Variants in UBL3 observed in about 807,000 individuals in gnomAD.
UBL3 encodes ubiquitin-like protein 3.
Under a neutral mutation model 18.4 loss-of-function variants are expected in UBL3, and 6 were observed. The ratio of observed to expected loss-of-function variants is 0.33; its 90% CI spans 0.18 to 0.64. UBL3 has a LOEUF of 0.64. Ranked by LOEUF, UBL3 falls within the 30% of genes least tolerant of loss-of-function variation. UBL3 has a pLI of 0.76. For missense variants in UBL3, 109 were observed against 142.9 expected (o/e 0.76, Z 1.21); for synonymous variants, 49 against 46.6 (o/e 1.05, Z -0.21).
intron 2 of UBL3, among the ~76,000 whole-genome samples, chr13:29,776,816 A>G (rs9551741): frequency 0.3 from 40,823 of 137,702 alleles, 5,750 homozygotes; most frequent in East Asian, 0.44. Context: ...GGTTGCGGTG[A>G]GCTAAGATCA....
chr13:29,783,035 A>T (rs1231942194), intron 1 of UBL3, among the ~76,000 whole-genome samples: 1 of 152,234 alleles, frequency 6.6e-6, no homozygotes, highest in Non-Finnish European at 1.5e-5. Flanking sequence ...CAGACTAGAA[A>T]GGTCAGAGCT....
intron 1 of UBL3, among the ~76,000 whole-genome samples, chr13:29,793,542 T>C (rs1333076681): frequency 6.6e-6 from 1 of 152,194 alleles, no homozygotes; most frequent in East Asian, 1.9e-4. Context: ...TTTATTTTAG[T>C]TTTCTTCTTA....
intron 1 of UBL3, among the ~76,000 whole-genome samples, chr13:29,807,954 T>C (rs1221350537): frequency 6.6e-6 from 1 of 152,184 alleles, no homozygotes; most frequent in East Asian, 1.9e-4. Context: ...CGTATTACAA[T>C]AGTCTATTTT....
chr13:29,783,650 T>C (rs748925265), intron 1 of UBL3, among the ~76,000 whole-genome samples: 3 of 152,224 alleles, frequency 2.0e-5, no homozygotes, highest in Admixed American at 2.0e-4. Flanking sequence ...TGTATGACAA[T>C]TTCTATAAAT....
chr13:29,785,450 T>G (rs1418427728), intron 1 of UBL3, among the ~76,000 whole-genome samples: 1 of 152,224 alleles, frequency 6.6e-6, no homozygotes, highest in Non-Finnish European at 1.5e-5. Context: ...AAAAATAACA[T>G]CATATTAAAA....
intron 1 of UBL3, among the ~76,000 whole-genome samples, chr13:29,818,625 A>T (rs1022122601): frequency 3.9e-5 from 6 of 152,188 alleles, no homozygotes; most frequent in African/African-American, 1.4e-4. Flanking sequence ...TAAAGTTCTG[A>T]CTTCACATAA....
chr13:29,790,831 T>C (rs1877463010), intron 1 of UBL3, among the ~76,000 whole-genome samples: 1 of 152,128 alleles, frequency 6.6e-6, no homozygotes, highest in African/African-American at 2.4e-5. Flanking sequence ...TTTCAGTTGG[T>C]TTTTCTTCCT....
chr13:29,795,878 G>A (rs1183478945), intron 1 of UBL3, among the ~76,000 whole-genome samples: 1 of 151,764 alleles, frequency 6.6e-6, no homozygotes, highest in Admixed American at 6.6e-5. Context: ...GCTACAACGA[G>A]CTATGACTGT....
chr13:29,784,628 A>G (rs1360338280), intron 1 of UBL3, among the ~76,000 whole-genome samples: 3 of 152,102 alleles, frequency 2.0e-5, no homozygotes, highest in South Asian at 2.1e-4. Flanking sequence ...GTAACATACT[A>G]TATGATCCCA....
At chr13:29,830,549 A>C (rs900741439) in intron 1 of UBL3, among the ~76,000 whole-genome samples, 1 of 152,202 alleles carries the variant, frequency 6.6e-6, no homozygotes, top group African/African-American at 2.4e-5. Flanking sequence ...AACAAGAAAC[A>C]ACATCTCTTC....
At chr13:29,823,173 G>T (rs1038764185) in intron 1 of UBL3, among the ~76,000 whole-genome samples, 2 of 151,860 alleles carry the variant, frequency 1.3e-5, no homozygotes, top group African/African-American at 4.8e-5. Context: ...GAAGGAGTTC[G>T]CTCCTGTTGC....
intron 1 of UBL3, among the ~76,000 whole-genome samples, chr13:29,843,701 G>C (rs1322336893): frequency 1.3e-5 from 2 of 152,066 alleles, no homozygotes; most frequent in East Asian, 3.9e-4. Flanking sequence ...TCCAATAAAT[G>C]GTCCAAAGTC....
intron 4 of UBL3, 152 bp downstream of exon 4, chr13:29,767,466 C>A: frequency 8.5e-7 from 1 of 1,177,276 alleles, no homozygotes; most frequent in Non-Finnish European, 1.2e-6. Context: ...TTAATTTTAG[C>A]ATGTTTCAAA....
intron 1 of UBL3, among the ~76,000 whole-genome samples, chr13:29,827,050 C>T (rs568539449): frequency 1.3e-5 from 2 of 152,098 alleles, no homozygotes; most frequent in African/African-American, 2.4e-5. Context: ...GTCTGAGAGA[C>T]AGTTTGTTAT....
chr13:29,835,093 T>A (rs1183153648), intron 1 of UBL3, among the ~76,000 whole-genome samples: 6 of 19,956 alleles, frequency 3.0e-4, no homozygotes, highest in Non-Finnish European at 3.8e-4. Flanking sequence ...AATATAAATA[T>A]ATATATATAT....
rs1474049716 is a variant in UBL3, at chr13:29,816,188, CATA to C, written c.27+33321_27+33323del. ...TGAAAAGCAAAAAGCACTCTGTAAA[CATA>C]TTACAATTTTATTATTGAATAATAT... On this transcript the variant is annotated intron_variant, in intron 1 of 4. Transcript: ENST00000380680. Among the ~76,000 whole-genome samples, 5 of 152,140 alleles carry C rather than the reference CATA, an allele frequency of 3.3e-5. No homozygotes were observed. In the East Asian group the frequency reaches 9.6e-4, roughly 29 times the overall value.
At chr13:29,823,802 C>T (rs979667669) in intron 1 of UBL3, among the ~76,000 whole-genome samples, 9 of 151,976 alleles carry the variant, frequency 5.9e-5, no homozygotes, top group African/African-American at 2.2e-4. Context: ...TGGTGTGCTG[C>T]ACCCATTAAC....
chr13:29,805,946 T>C (rs71434759), intron 1 of UBL3, among the ~76,000 whole-genome samples: 11,114 of 152,172 alleles, frequency 0.073, 494 homozygotes, highest in Middle Eastern at 0.11. Context: ...GAGGCCAAGG[T>C]GGGCAGATCA....
intron 4 of UBL3, 113 bp from the exon 5 acceptor site, chr13:29,767,420 AT>A: frequency 1.5e-6 from 2 of 1,348,448 alleles, no homozygotes; most frequent in Non-Finnish European, 2.0e-6. Context: ...AAATGTTTGC[AT>A]TTTTCAAAAT....
Sources: gnomAD v4.1 joint callset for allele counts (sites outside exome capture counted in the v4.1 genomes callset) on GRCh38, gnomAD v4.1.1 for gene constraint, MANE v1.5 for transcripts, NCBI Gene and HGNC (gene_info 2026-07-23, HGNC 2026-07-21) for gene names.